The following TXNL4B variants were observed in gnomAD, a reference collection of about 807,000 sequenced individuals.
TXNL4B encodes thioredoxin like 4B.
TXNL4B carries 12 observed loss-of-function variants against 13.0 expected under a neutral mutation model. The observed-to-expected ratio is 0.92, with a 90% CI of 0.59 to 1.49. The LOEUF is 1.49. TXNL4B is among the 40% of genes most tolerant of loss of function. The pLI is 0.00. For synonymous variants in TXNL4B, 59 were observed against 58.9 expected, an observed-to-expected ratio of 1.00 and a Z score of -0.01; for missense variants, 214 against 173.6, an observed-to-expected ratio of 1.23 and a Z score of -1.31.
chr16:72,092,936 C>T (rs984847047), intron 1 of TXNL4B, among the ~76,000 whole-genome samples: 3 of 152,282 alleles, frequency 2.0e-5, no homozygotes, highest in Admixed American at 1.3e-4. Flanking sequence ...TGCTGGAATG[C>T]AGACACAAAA....
rs2041865103 is a variant in TXNL4B, at chr16:72,089,118, G to C, written c.153C>G (p.Asp51Glu). The C allele has an allele frequency of 1.9e-6, 3 of 1,611,938 alleles. No individual in the cohort carries two copies. The highest frequency in any genetic ancestry group is 2.5e-6 in the Non-Finnish European group (3 of 1,178,516). ...GGTATATAGCAGCCATTTTACTTAA[G>C]TCAGAAGAGGTCTTAGAAAGCTGCA... is the stretch of plus-strand genomic sequence containing the variant. Reference protein sequence around the residue: ...LDDILSKTSSDLSKMAAIYLV... With the variant: ...LDDILSKTSSELSKMAAIYLV... Residue 51 changes from aspartate to glutamate, a missense_variant, in exon 3 of 4, where the codon GAC (aspartate) becomes GAG (glutamate). By Grantham distance (45) the Asp-to-Glu change is conservative. Transcript: ENST00000268483.
chr16:72,091,617 C>A (rs2041905935), intron 1 of TXNL4B, among the ~76,000 whole-genome samples: 1 of 152,216 alleles, frequency 6.6e-6, no homozygotes, highest in Non-Finnish European at 1.5e-5. Flanking sequence ...CATCCATATT[C>A]TCTGTCATGG....
chr16:72,093,312 T>C (rs1025294132), intron 1 of TXNL4B, 55 bp downstream of exon 1: 1 of 152,182 alleles, frequency 6.6e-6, no homozygotes, highest in Non-Finnish European at 1.5e-5. Context: ...ATATTTAAAG[T>C]CACCTGTGTT....
chr16:72,086,525 T>A lies in TXNL4B; in HGVS notation c.*112A>T. ...GGGTTTTCTACACGCAAGTCAAACC[T>A]CTTCTCCTCTGGGACACATGTTTCC... On this transcript the variant is annotated 3_prime_UTR_variant, in exon 4 of 4. Coordinates refer to ENST00000268483, the MANE Select transcript of TXNL4B (RefSeq NM_017853.3). 9.6e-7 allele frequency: 1 copy of A among 1,042,714 alleles called. No homozygotes were observed. The highest frequency in any genetic ancestry group is 1.4e-6 in the Non-Finnish European group (1 of 728,162). 64.6% of individuals were successfully genotyped at this position (1,042,714 alleles called of 1,614,324 possible).
At position 72,085,623 on chromosome 16, in the gene TXNL4B, G is replaced by A. The variant is rs947078620; in HGVS notation, c.*1014C>T. Reference sequence around the variant, plus strand: ...TCTGGGAAAAATCTGCTCCTGCTAAGGTGGCTCATTCATTGTTTTACCTGA... The same window carrying A: ...TCTGGGAAAAATCTGCTCCTGCTAAAGTGGCTCATTCATTGTTTTACCTGA... On this transcript the variant is annotated 3_prime_UTR_variant, in exon 4 of 4. Coordinates refer to ENST00000268483, the MANE Select transcript of TXNL4B (RefSeq NM_017853.3). 1.3e-5 allele frequency: 2 copies of A among 152,190 alleles called. No individual in the cohort carries two copies. 9.4% of individuals were successfully genotyped at this position (152,190 alleles called of 1,614,324 possible).
At chr16:72,090,814 C>A (rs1343219371) in intron 1 of TXNL4B, 28 bp from the exon 2 acceptor site, 1 of 1,595,382 alleles carries the variant, frequency 6.3e-7, no homozygotes, top group African/African-American at 1.3e-5. Flanking sequence ...TGTTTAAAGA[C>A]AGTTTAGATT....
At position 72,084,959 on chromosome 16, in the gene TXNL4B, T is replaced by G; in HGVS notation, c.*1678A>C. 1 of 398,634 alleles carries G rather than the reference T, an allele frequency of 2.5e-6. No individual in the cohort carries two copies. Among genetic ancestry groups the G allele is most frequent in the Admixed American group, 4.4e-5 (1 of 22,738 alleles). The allele number at this position is 398,634 out of a possible 1,614,324, so 24.7% of individuals were successfully genotyped here. ...ATCAGAGATTGGGCTCTTTTTGTTC[T>G]TCTTAGCATATCGATGTTTTACGTG... is the stretch of plus-strand genomic sequence containing the variant. On this transcript the variant is annotated 3_prime_UTR_variant, in exon 4 of 4. Coordinates refer to ENST00000268483, the MANE Select transcript of TXNL4B (RefSeq NM_017853.3).
In TXNL4B at chr16:72,085,241, T is replaced by C. The variant is rs1347868326; in HGVS notation, c.*1396A>G. The C allele has an allele frequency of 4.0e-5, 15 of 377,292 alleles. No homozygotes were observed. The Admixed American group carries it at 6.8e-4, about 17-fold the overall frequency. The allele number at this position is 377,292 out of a possible 1,614,324, so 23.4% of individuals were successfully genotyped here. A position where few individuals can be genotyped will look rare whatever the true frequency, so the allele number is the denominator to read the frequency against. ...CAGGAAAGGGGTGGAATGGAGCCCC[T>C]GGCAAAGGGGGCTGGACTTGCAGTG... On this transcript the variant is annotated 3_prime_UTR_variant, in exon 4 of 4. Coordinates refer to ENST00000268483, the MANE Select transcript of TXNL4B (RefSeq NM_017853.3).
intron 2 of TXNL4B, among the ~76,000 whole-genome samples, chr16:72,089,362 G>A (rs1374910483): frequency 6.6e-6 from 1 of 152,202 alleles, no homozygotes. Context: ...ATGAGGTTAG[G>A]AAGGGACCTT....
At chr16:72,093,846 C>T (rs1423275844), upstream of TXNL4B, 1 of 152,370 alleles carries the variant, frequency 6.6e-6, no homozygotes, top group Non-Finnish European at 1.5e-5. Context: ...TACCGTTCCA[C>T]ACTTGGATCC....
chr16:72,093,875 A>T (rs2041963358), upstream of TXNL4B: 1 of 152,298 alleles, frequency 6.6e-6, no homozygotes, highest in Admixed American at 6.5e-5. Flanking sequence ...GGCGTGTTCC[A>T]GGCTGCTCTC....
At chr16:72,090,252 T>C (rs2041884013) in intron 2 of TXNL4B, 13 of 460,964 alleles carry the variant, frequency 2.8e-5, no homozygotes, top group Admixed American at 2.1e-4. Context: ...TCTGCACCTG[T>C]GGGAAATTAC....
chr16:72,087,894 A>G (rs1053942149), intron 3 of TXNL4B, among the ~76,000 whole-genome samples: 1 of 152,058 alleles, frequency 6.6e-6, no homozygotes, highest in Non-Finnish European at 1.5e-5. Context: ...CTCTCGGCTC[A>G]CTGCAAGCTC....
intron 2 of TXNL4B, 64 bp downstream of exon 2, chr16:72,090,554 C>A: frequency 6.4e-7 from 1 of 1,553,512 alleles, no homozygotes; most frequent in Admixed American, 1.7e-5. Flanking sequence ...ATGTACTACT[C>A]AGATGCTGAA....
chr16:72,091,759 G>T (rs569104130), intron 1 of TXNL4B, among the ~76,000 whole-genome samples: 2 of 152,306 alleles, frequency 1.3e-5, no homozygotes, highest in South Asian at 2.1e-4. Flanking sequence ...ACGGCAAACA[G>T]ATCAATTAAG....
chr16:72,087,219 T>A (rs1168815763), intron 3 of TXNL4B: 1 of 154,862 alleles, frequency 6.5e-6, no homozygotes, highest in Non-Finnish European at 1.4e-5. Flanking sequence ...ATTGATTTTT[T>A]AGAAAAGTAT....
At position 72,093,479 on chromosome 16, in the gene TXNL4B, C is replaced by T. The variant is rs910725879; in HGVS notation, c.-150G>A. 2 of 152,304 alleles carry T rather than the reference C, an allele frequency of 1.3e-5. No homozygotes were observed. Among genetic ancestry groups the T allele is most frequent in the African/African-American group, 4.8e-5 (2 of 41,466 alleles). 9.4% of individuals were successfully genotyped at this position (152,304 alleles called of 1,614,324 possible). On this transcript the variant is annotated 5_prime_UTR_variant, in exon 1 of 4. Transcript: ENST00000268483. ...TCATCAGCCCCAAGCCGGACAGGAC[C>T]CTAAGACCAAGTCACCCAGGGGCTG...
At chr16:72,092,174 C>G (rs2041916542) in intron 1 of TXNL4B, among the ~76,000 whole-genome samples, 1 of 152,140 alleles carries the variant, frequency 6.6e-6, no homozygotes, top group Non-Finnish European at 1.5e-5. Context: ...TTTGGGAGGC[C>G]AAGGAGGGTG....
At chr16:72,090,881 A>G in intron 1 of TXNL4B, 95 bp from the exon 2 acceptor site, 1 of 987,968 alleles carries the variant, frequency 1.0e-6, no homozygotes, top group Non-Finnish European at 1.5e-6. Context: ...ATGTATTCAC[A>G]TGGTATGAAA....
Sources: gnomAD v4.1 joint callset for allele counts (sites outside exome capture counted in the v4.1 genomes callset) on GRCh38, gnomAD v4.1.1 for gene constraint, MANE v1.5 for transcripts, NCBI Gene and HGNC (gene_info 2026-07-23, HGNC 2026-07-21) for gene names.